The following PLAC9 variants were observed in gnomAD, a reference collection of about 807,000 sequenced individuals.
PLAC9 encodes placenta associated 9, also known as placenta-specific protein 9.
Under a neutral mutation model 11.5 loss-of-function variants are expected in PLAC9, and 12 were observed. The observed-to-expected ratio is 1.05, with a 90% CI of 0.67 to 1.69. The LOEUF (loss-of-function observed/expected upper bound fraction) is 1.69. PLAC9 is among the 40% of genes most tolerant of loss of function. The pLI, the probability that PLAC9 is intolerant of heterozygous loss-of-function variation, is 0.00. For synonymous variants in PLAC9, 62 were observed against 58.1 expected, an observed-to-expected ratio of 1.07 and a Z score of -0.31; for missense variants, 132 against 130.5, an observed-to-expected ratio of 1.01 and a Z score of -0.06.
intron 1 of PLAC9, among the ~76,000 whole-genome samples, chr10:80,138,455 G>A (rs1845002924): frequency 6.6e-6 from 1 of 152,146 alleles, no homozygotes; most frequent in Non-Finnish European, 1.5e-5. Flanking sequence ...TAAGTTCAGT[G>A]GAGGGAAATA....
At chr10:80,138,245 A>G (rs373332782) in intron 1 of PLAC9, among the ~76,000 whole-genome samples, 10 of 152,284 alleles carry the variant, frequency 6.6e-5, no homozygotes, top group African/African-American at 1.9e-4. Context: ...ACATCCACGC[A>G]TGCCTCTCCA....
intron 2 of PLAC9, among the ~76,000 whole-genome samples, chr10:80,143,302 A>G (rs1314876306): frequency 4.0e-5 from 6 of 150,312 alleles, no homozygotes; most frequent in Admixed American, 2.0e-4. Context: ...CCTGACCTCA[A>G]GTGATCTCGC....
chr10:80,139,547 G>C (rs754036196), intron 1 of PLAC9, among the ~76,000 whole-genome samples: 27 of 152,102 alleles, frequency 1.8e-4, no homozygotes, highest in Admixed American at 2.0e-4. Flanking sequence ...GTGCTTCCAG[G>C]ATTCCTTGTT....
chr10:80,132,976 A>G, intron 1 of PLAC9, 150 bp downstream of exon 1: 2 of 645,500 alleles, frequency 3.1e-6, no homozygotes, highest in Non-Finnish European at 2.4e-6. Context: ...GATGGAGAGA[A>G]AGATTGAGAG....
chr10:80,139,780 G>C (rs1316138767), intron 1 of PLAC9, among the ~76,000 whole-genome samples: 2 of 151,810 alleles, frequency 1.3e-5, no homozygotes, highest in South Asian at 4.2e-4. Flanking sequence ...TTTAGAAATG[G>C]GGTCTCACTA....
At chr10:80,134,461 A>G (rs1187140438) in intron 1 of PLAC9, among the ~76,000 whole-genome samples, 1 of 151,992 alleles carries the variant, frequency 6.6e-6, no homozygotes, top group South Asian at 2.1e-4. Context: ...ATAGGGTTTC[A>G]CCATGTTGGC....
chr10:80,144,477 C>T, intron 3 of PLAC9, 134 bp downstream of exon 3: 1 of 1,281,658 alleles, frequency 7.8e-7, no homozygotes, highest in Non-Finnish European at 1.0e-6. Flanking sequence ...TCCCTGGGGA[C>T]GGAAGCGGGA....
intron 1 of PLAC9, among the ~76,000 whole-genome samples, chr10:80,139,889 A>G (rs1460724813): frequency 6.6e-6 from 1 of 152,006 alleles, no homozygotes; most frequent in East Asian, 1.9e-4. Context: ...ATTTCCAGAC[A>G]CCATGGTCAC....
chr10:80,133,261 C>T (rs2573357), intron 1 of PLAC9, among the ~76,000 whole-genome samples: 70,611 of 151,970 alleles, frequency 0.46, 18,712 homozygotes, highest in Non-Finnish European at 0.59. Context: ...GAGGGAAGCT[C>T]GATGCCCGGA....
chr10:80,137,672 T>C (rs1401371414), intron 1 of PLAC9, among the ~76,000 whole-genome samples: 1 of 152,122 alleles, frequency 6.6e-6, no homozygotes, highest in African/African-American at 2.4e-5. Context: ...CCCAGCACTT[T>C]GGGAGGCCGA....
intron 1 of PLAC9, among the ~76,000 whole-genome samples, chr10:80,135,515 C>T (rs935931389): frequency 2.0e-5 from 3 of 151,140 alleles, no homozygotes; most frequent in Non-Finnish European, 4.4e-5. Flanking sequence ...TTAGTAGAGA[C>T]GGGGGCTGCG....
At chr10:80,144,835 C>T in intron 3 of PLAC9, 65 bp from the exon 4 acceptor site, 2 of 1,488,270 alleles carry the variant, frequency 1.3e-6, no homozygotes, top group Non-Finnish European at 9.0e-7. Flanking sequence ...AACTGCTGGG[C>T]ACCACGGGGG....
At chr10:80,140,901 C>T (rs1160192330) in intron 1 of PLAC9, among the ~76,000 whole-genome samples, 1 of 152,210 alleles carries the variant, frequency 6.6e-6, no homozygotes, top group Non-Finnish European at 1.5e-5. Flanking sequence ...GCCCCCATTT[C>T]TCCCAATTTA....
At chr10:80,144,800 T>C in intron 3 of PLAC9, 100 bp from the exon 4 acceptor site, 1 of 1,265,830 alleles carries the variant, frequency 7.9e-7, no homozygotes, top group Non-Finnish European at 1.1e-6. Flanking sequence ...CAGTAGTTCC[T>C]GGGGGCCGGG....
chr10:80,140,774 C>T (rs1316731646), intron 1 of PLAC9, among the ~76,000 whole-genome samples: 1 of 152,184 alleles, frequency 6.6e-6, no homozygotes, highest in Non-Finnish European at 1.5e-5. Flanking sequence ...CCTCGTGCGC[C>T]TACCTCGCCC....
chr10:80,143,019 G>A (rs1166357007), intron 2 of PLAC9, among the ~76,000 whole-genome samples: 11 of 151,594 alleles, frequency 7.3e-5, no homozygotes, highest in Non-Finnish European at 1.6e-4. Context: ...CACTGTGCCC[G>A]GCCAATACAT....
rs1293461200 is a variant in PLAC9, at chr10:80,132,796, G to C, written c.34G>C (p.Ala12Pro). 1 of 1,499,256 alleles carries C rather than the reference G, an allele frequency of 6.7e-7. No homozygotes were observed. Among genetic ancestry groups the C allele is most frequent in the East Asian group, 2.8e-5 (1 of 36,166 alleles). 92.9% of individuals were successfully genotyped at this position (1,499,256 alleles called of 1,614,324 possible). The change falls in exon 1 of 4, where the codon GCC (alanine) becomes CCC (proline). Residue 12 changes from alanine (A) to proline (P), a missense_variant. By Grantham distance (27) the Ala-to-Pro change is conservative (BLOSUM62 -1). Coordinates refer to ENST00000372263, the MANE Select transcript of PLAC9 (RefSeq NM_001012973.3). ...CCTGCTCTGCGCGCTGACCGGACTG[G>C]CCCTGCTCCGCGCCGCGGGCTCTTT... The part of the protein sequence containing the change: ...RPLLCALTGL[A>P]LLRAAGSLAA...
At chr10:80,134,732 T>C (rs938154051) in intron 1 of PLAC9, among the ~76,000 whole-genome samples, 22 of 152,364 alleles carry the variant, frequency 1.4e-4, no homozygotes, top group African/African-American at 5.3e-4. Context: ...TTGTGTCATA[T>C]CTTTTTGCAA....
intron 1 of PLAC9, among the ~76,000 whole-genome samples, chr10:80,139,171 C>T (rs903640214): frequency 2.6e-5 from 4 of 152,078 alleles, no homozygotes; most frequent in African/African-American, 9.7e-5. Context: ...CCAGGATGGT[C>T]TCGATCTCCT....
Sources: gnomAD v4.1 joint callset for allele counts (sites outside exome capture counted in the v4.1 genomes callset) on GRCh38, gnomAD v4.1.1 for gene constraint, MANE v1.5 for transcripts, NCBI Gene and HGNC (gene_info 2026-07-23, HGNC 2026-07-21) for gene names.